CDH13: variants seen among roughly 807,000 people sequenced by gnomAD.
The protein encoded by CDH13 is cadherin 13, also known as cadherin-13.
CDH13 carries 24 observed loss-of-function variants against 63.8 expected under a neutral mutation model. The ratio of observed to expected loss-of-function variants is 0.38; its 90% CI spans 0.27 to 0.53. CDH13 has a LOEUF of 0.53. CDH13 is among the 20% of genes least tolerant of loss of function. The pLI is 0.85. For synonymous variants in CDH13, 503 were observed against 355.3 expected (o/e 1.42, Z -4.67); for missense variants, 1,049 against 903.1 (o/e 1.16, Z -2.07).
chr16:83,700,336 C>G (rs988535329), intron 10 of CDH13, among the ~76,000 whole-genome samples: 9 of 152,168 alleles, frequency 5.9e-5, no homozygotes, highest in African/African-American at 2.2e-4. Flanking sequence ...CTTCAGATTC[C>G]CTTTTAACAG....
chr16:83,689,458 A>T (rs1904631325), intron 10 of CDH13, among the ~76,000 whole-genome samples: 1 of 152,262 alleles, frequency 6.6e-6, no homozygotes, highest in East Asian at 1.9e-4. Context: ...CCAGTCAGCC[A>T]GCAAGCACGA....
intron 1 of CDH13, among the ~76,000 whole-genome samples, chr16:82,646,738 T>A (rs147932257): frequency 6.6e-6 from 1 of 152,256 alleles, no homozygotes; most frequent in African/African-American, 2.4e-5. Context: ...GTTAGGTATG[T>A]CAGTAGCAGG....
chr16:83,014,147 A>C (rs112744524), intron 2 of CDH13, among the ~76,000 whole-genome samples: 1 of 152,178 alleles, frequency 6.6e-6, no homozygotes, highest in African/African-American at 2.4e-5. Flanking sequence ...CACACACACA[A>C]AAAAAGGAAA....
rs1051750027 is a variant in CDH13, at chr16:83,653,840, C to T, written c.1102-16950C>T. ...CAGAAGGGGCCTCCTATGGTTTGTC[C>T]GCTGCTGTGTCCGGCATTAAGAAAG... On this transcript the variant is annotated intron_variant, in intron 8 of 13. Transcript: ENST00000567109. Among the ~76,000 whole-genome samples the T allele has an allele frequency of 3.3e-5, 5 of 152,168 alleles. 1 individual carries two copies. The highest frequency in any genetic ancestry group is 7.3e-5 in the Non-Finnish European group (5 of 68,036).
At chr16:82,681,566 C>G (rs1202608973) in intron 1 of CDH13, among the ~76,000 whole-genome samples, 1 of 152,234 alleles carries the variant, frequency 6.6e-6, no homozygotes, top group Non-Finnish European at 1.5e-5. Flanking sequence ...GCCTCTTACT[C>G]ATTTTCTGAG....
intron 9 of CDH13, among the ~76,000 whole-genome samples, chr16:83,674,279 C>T (rs1914766000): frequency 6.6e-6 from 1 of 152,174 alleles, no homozygotes; most frequent in Non-Finnish European, 1.5e-5. Context: ...CAGTGGGGTG[C>T]CTCAGATGCT....
intron 10 of CDH13, among the ~76,000 whole-genome samples, chr16:83,709,757 T>A (rs1907721795): frequency 6.6e-6 from 1 of 152,258 alleles, no homozygotes; most frequent in Non-Finnish European, 1.5e-5. Context: ...ATTCATAGAC[T>A]TTGTCATCCT....
At chr16:82,777,129 G>T (rs1417036259) in intron 1 of CDH13, among the ~76,000 whole-genome samples, 1 of 152,126 alleles carries the variant, frequency 6.6e-6, no homozygotes, top group Non-Finnish European at 1.5e-5. Context: ...TTGTTTGTTT[G>T]TGTGTTTGTT....
chr16:83,483,501 G>A (rs1567703014), intron 6 of CDH13, among the ~76,000 whole-genome samples: 3 of 148,130 alleles, frequency 2.0e-5, no homozygotes. Flanking sequence ...TCATTTTAAT[G>A]CATATGTCAG....
intron 6 of CDH13, among the ~76,000 whole-genome samples, chr16:83,477,725 G>T (rs1217179942): frequency 6.6e-6 from 1 of 152,106 alleles, no homozygotes; most frequent in African/African-American, 2.4e-5. Flanking sequence ...GTGCCTTTGG[G>T]GGAAAGAATG....
chr16:83,148,884 C>G (rs954690682), intron 4 of CDH13, among the ~76,000 whole-genome samples: 1 of 152,080 alleles, frequency 6.6e-6, no homozygotes, highest in Non-Finnish European at 1.5e-5. Context: ...AAAAGGAATT[C>G]TATCCTCATT....
chr16:82,977,867 G>T (rs537912651), intron 2 of CDH13, among the ~76,000 whole-genome samples: 28 of 152,322 alleles, frequency 1.8e-4, no homozygotes, highest in South Asian at 1.4e-3. Context: ...GACCTGGAAG[G>T]CTCAGAAGAC....
chr16:82,960,230 A>G (rs1439113646), intron 2 of CDH13, among the ~76,000 whole-genome samples: 1 of 152,184 alleles, frequency 6.6e-6, no homozygotes, highest in Non-Finnish European at 1.5e-5. Context: ...AAGCAGTAGG[A>G]TAAGGGACAT....
Position 83,032,863 on chromosome 16 carries a change from A to G in CDH13, c.366+645A>G, listed in dbSNP as rs557555321. On this transcript the variant is annotated intron_variant, in intron 3 of 13. Coordinates refer to ENST00000567109, the MANE Select transcript of CDH13 (RefSeq NM_001257.5). ...CAAAGTAAATTAAGGAGCTGTTTTC[A>G]GAGGAAAGGAAATGGATGGTGGATA... Among the ~76,000 whole-genome samples the G allele has an allele frequency of 2.6e-5, 4 of 152,342 alleles. No homozygotes were observed. In the South Asian group the frequency reaches 8.3e-4, roughly 32 times the overall value.
intron 9 of CDH13, among the ~76,000 whole-genome samples, chr16:83,675,129 T>C (rs920566143): frequency 1.3e-5 from 2 of 152,190 alleles, no homozygotes; most frequent in African/African-American, 4.8e-5. Context: ...GTATTTTCAA[T>C]TTCCTCCTGT....
At chr16:83,063,360 C>T (rs948709573) in intron 3 of CDH13, among the ~76,000 whole-genome samples, 8 of 152,174 alleles carry the variant, frequency 5.3e-5, no homozygotes, top group Non-Finnish European at 1.2e-4. Flanking sequence ...ATCAGTTCCC[C>T]TGTGTTCTGT....
intron 2 of CDH13, among the ~76,000 whole-genome samples, chr16:82,957,218 C>A (rs999719960): frequency 2.0e-5 from 3 of 152,140 alleles, no homozygotes; most frequent in Admixed American, 6.5e-5. Flanking sequence ...ATCTTCTTGG[C>A]GAGCTGTTGA....
intron 7 of CDH13, among the ~76,000 whole-genome samples, chr16:83,581,356 G>T (rs1270220001): frequency 2.0e-5 from 3 of 152,126 alleles, no homozygotes; most frequent in Non-Finnish European, 4.4e-5. Flanking sequence ...GACTTTCAGT[G>T]GTTATTTAAT....
intron 1 of CDH13, among the ~76,000 whole-genome samples, chr16:82,665,632 A>G (rs183365582): frequency 7.2e-5 from 11 of 152,112 alleles, no homozygotes; most frequent in Admixed American, 5.2e-4. Context: ...TACCTCAAAC[A>G]TCACAGGTAC....
Sources: allele counts gnomAD v4.1 joint callset (sites outside exome capture counted in the v4.1 genomes callset), GRCh38; gene constraint gnomAD v4.1.1; transcripts MANE v1.5; gene names NCBI Gene and HGNC (gene_info 2026-07-23, HGNC 2026-07-21).